The following MACROD2 variants were observed in gnomAD, a reference collection of about 807,000 sequenced individuals.
MACROD2 encodes the protein mono-ADP ribosylhydrolase 2.
Under a neutral mutation model 70.4 loss-of-function variants are expected in MACROD2, and 36 were observed. The ratio of observed to expected loss-of-function variants is 0.51; its 90% CI spans 0.39 to 0.68. The LOEUF (loss-of-function observed/expected upper bound fraction) is 0.68, where lower values mean the gene tolerates loss of function less well. MACROD2 is among the 30% of genes least tolerant of loss of function. The pLI is 0.00. For synonymous variants in MACROD2, 172 were observed against 178.8 expected, an observed-to-expected ratio of 0.96 and a Z score of 0.30; for missense variants, 496 against 538.4, an observed-to-expected ratio of 0.92 and a Z score of 0.78.
intron 8 of MACROD2, among the ~76,000 whole-genome samples, chr20:15,744,667 A>C (rs1369912250): frequency 6.6e-6 from 1 of 150,430 alleles, no homozygotes; most frequent in Non-Finnish European, 1.5e-5. Flanking sequence ...AAGAGAATAC[A>C]GTTGCAAAGA....
At chr20:14,601,474 G>T (rs560561926) in intron 4 of MACROD2, among the ~76,000 whole-genome samples, 1 of 151,942 alleles carries the variant, frequency 6.6e-6, no homozygotes, top group Non-Finnish European at 1.5e-5. Flanking sequence ...GGGACCCCTG[G>T]TATAGATAAG....
intron 8 of MACROD2, among the ~76,000 whole-genome samples, chr20:15,549,098 G>A (rs538861723): frequency 1.3e-5 from 2 of 152,376 alleles, no homozygotes; most frequent in Non-Finnish European, 2.9e-5. Context: ...TTGTAAGATA[G>A]TAAGATAGTT....
intron 3 of MACROD2, among the ~76,000 whole-genome samples, chr20:14,482,449 A>G (rs2084673686): frequency 6.6e-6 from 1 of 151,204 alleles, no homozygotes; most frequent in South Asian, 2.1e-4. Context: ...TATTACTTAC[A>G]CTTTATTCCT....
intron 4 of MACROD2, among the ~76,000 whole-genome samples, chr20:14,499,091 A>G (rs929023087): frequency 1.3e-5 from 2 of 152,172 alleles, no homozygotes; most frequent in African/African-American, 2.4e-5. Context: ...GGCCCCAGCC[A>G]TGGGCCTGGG....
At chr20:14,356,758 G>C (rs927414127) in intron 3 of MACROD2, among the ~76,000 whole-genome samples, 1 of 152,002 alleles carries the variant, frequency 6.6e-6, no homozygotes, top group Non-Finnish European at 1.5e-5. Flanking sequence ...GCCCACCTTG[G>C]CCTCCCAAAG....
At chr20:15,202,090 A>G (rs1601218189) in intron 5 of MACROD2, among the ~76,000 whole-genome samples, 2 of 152,218 alleles carry the variant, frequency 1.3e-5, no homozygotes, top group South Asian at 4.1e-4. Flanking sequence ...GATATTTGGA[A>G]GAGACATTTG....
intron 7 of MACROD2, among the ~76,000 whole-genome samples, chr20:15,447,662 C>T (rs1449511901): frequency 6.6e-6 from 1 of 152,188 alleles, no homozygotes; most frequent in Non-Finnish European, 1.5e-5. Flanking sequence ...GCTGGACAAA[C>T]TGACCTTGAC....
rs191575272 is a variant in MACROD2 at position 14,957,986 on chromosome 20, C to T, written c.419-271954C>T. On this transcript the variant is annotated intron_variant, in intron 5 of 17. Transcript: ENST00000684519. The stretch of plus-strand genomic sequence containing the variant: ...TATTAGGTTGGTGCAAAAATAATTG[C>T]GGTTTTTGCCAACCTAATAATATCC... 3.8e-4 allele frequency among the ~76,000 whole-genome samples: 58 copies of T among 152,146 alleles called. 2 individuals carry two copies. The highest frequency in any genetic ancestry group is 1.4e-3 in the African/African-American group (57 of 41,512).
chr20:14,310,046 T>C (rs1190967792), intron 3 of MACROD2, among the ~76,000 whole-genome samples: 4 of 152,154 alleles, frequency 2.6e-5, no homozygotes, highest in African/African-American at 9.7e-5. Flanking sequence ...AAGGAAGTTA[T>C]TTCCTCTTAT....
chr20:15,888,779 C>T (rs1240722959), intron 10 of MACROD2, among the ~76,000 whole-genome samples: 1 of 152,062 alleles, frequency 6.6e-6, no homozygotes, highest in African/African-American at 2.4e-5. Context: ...ATTTCCTATA[C>T]CTGAGTGCTG....
chr20:14,615,643 G>C (rs1325351915), intron 4 of MACROD2, among the ~76,000 whole-genome samples: 1 of 152,108 alleles, frequency 6.6e-6, no homozygotes, highest in Admixed American at 6.6e-5. Context: ...AGGCTAAGCA[G>C]CTTAGGCATA....
chr20:15,939,686 G>C (rs2147336800), intron 12 of MACROD2, among the ~76,000 whole-genome samples: 1 of 151,898 alleles, frequency 6.6e-6, no homozygotes, highest in South Asian at 2.1e-4. Flanking sequence ...TTCTATTTAA[G>C]AAATATATTT....
At chr20:14,844,543 C>A (rs1290455973) in intron 5 of MACROD2, among the ~76,000 whole-genome samples, 1 of 151,750 alleles carries the variant, frequency 6.6e-6, no homozygotes, top group East Asian at 1.9e-4. Context: ...AAAATAAAAA[C>A]GCTGATAGAA....
At chr20:14,831,568 C>T (rs956137760) in intron 5 of MACROD2, among the ~76,000 whole-genome samples, 1 of 151,476 alleles carries the variant, frequency 6.6e-6, no homozygotes, top group Non-Finnish European at 1.5e-5. Flanking sequence ...CACCTGAGGT[C>T]GGGAGTTTGA....
chr20:15,111,730 C>T (rs2075956997), intron 5 of MACROD2, among the ~76,000 whole-genome samples: 1 of 152,182 alleles, frequency 6.6e-6, no homozygotes, highest in Non-Finnish European at 1.5e-5. Context: ...TTCACTGTAG[C>T]TTTTGTTTTA....
At chr20:15,850,598 C>T (rs1272182365) in intron 8 of MACROD2, among the ~76,000 whole-genome samples, 2 of 152,204 alleles carry the variant, frequency 1.3e-5, no homozygotes, top group Admixed American at 1.3e-4. Context: ...TAACTCTTAT[C>T]TAGAAGGATC....
In MACROD2 at chr20:14,287,383, AATGATG is replaced by A. The variant is rs148121991; in HGVS notation, c.271+201682_271+201687del. Among the ~76,000 whole-genome samples the A allele has an allele frequency of 1.3e-4, 20 of 151,394 alleles. No individual in the cohort carries two copies. The South Asian group carries it at 2.7e-3, about 21-fold the overall frequency. ...AAATTGGAGGAATCCATGATTAGGA[AATGATG>A]ATGATGATGATGATGATGATGATGA... On this transcript the variant is annotated intron_variant, in intron 3 of 17. Coordinates refer to ENST00000684519, the MANE Select transcript of MACROD2 (RefSeq NM_001351661.2).
chr20:15,181,232 A>C (rs531888793), intron 5 of MACROD2, among the ~76,000 whole-genome samples: 1 of 152,210 alleles, frequency 6.6e-6, no homozygotes, highest in Admixed American at 6.5e-5. Flanking sequence ...GATACAGTGC[A>C]TTGATTATAT....
chr20:15,930,678 C>T (rs77258286), intron 10 of MACROD2, among the ~76,000 whole-genome samples: 2,593 of 152,212 alleles, frequency 0.017, 71 homozygotes, highest in African/African-American at 0.059. Flanking sequence ...AAAACAGTGC[C>T]GCTGAGACTC....
Sources: allele counts gnomAD v4.1 joint callset (sites outside exome capture counted in the v4.1 genomes callset), GRCh38; gene constraint gnomAD v4.1.1; transcripts MANE v1.5; gene names NCBI Gene and HGNC (gene_info 2026-07-23, HGNC 2026-07-21).